UBE2E2: variants seen among roughly 807,000 people sequenced by gnomAD.
UBE2E2 encodes ubiquitin conjugating enzyme E2 E2.
Under a neutral mutation model 24.7 loss-of-function variants are expected in UBE2E2, and 6 were observed. The observed-to-expected ratio is 0.24, with a 90% CI of 0.13 to 0.48. The LOEUF (loss-of-function observed/expected upper bound fraction) is 0.48, where lower values mean the gene tolerates loss of function less well. Among genes scored for constraint, UBE2E2 ranks in the 20% least tolerant of loss-of-function variants. The pLI is 0.99. For missense variants in UBE2E2, 169 were observed against 245.0 expected (o/e 0.69, Z 2.07); for synonymous variants, 104 against 83.6 (o/e 1.24, Z -1.33).
intron 1 of UBE2E2, chr3:23,204,716 C>T: frequency 1.0e-6 from 1 of 985,400 alleles, no homozygotes; most frequent in Non-Finnish European, 1.2e-6. Context: ...AGGTGTTCCA[C>T]TGTTATTTTC....
intron 3 of UBE2E2, among the ~76,000 whole-genome samples, chr3:23,362,133 A>T (rs1696134268): frequency 6.6e-6 from 1 of 152,214 alleles, no homozygotes; most frequent in Admixed American, 6.5e-5. Flanking sequence ...AGGGCTAGTT[A>T]ACCCTGACCC....
At position 23,357,802 on chromosome 3, in the gene UBE2E2, T is replaced by A. The variant is rs1696002558; in HGVS notation, c.227+140490T>A. Reference sequence around the variant, plus strand: ...ACGGTGTCTACATTTAGGAAAAAATTCTTCTGAAATTGGTAAATCTTCGAA... The same window carrying A: ...ACGGTGTCTACATTTAGGAAAAAATACTTCTGAAATTGGTAAATCTTCGAA... On this transcript the variant is annotated intron_variant, in intron 3 of 5. Transcript: ENST00000396703. Among the ~76,000 whole-genome samples the A allele has an allele frequency of 2.0e-5, 3 of 152,196 alleles. No individual in the cohort carries two copies. In the South Asian group the frequency reaches 6.2e-4, roughly 32 times the overall value.
At chr3:23,423,265 T>C (rs1333978973) in intron 3 of UBE2E2, among the ~76,000 whole-genome samples, 2 of 152,230 alleles carry the variant, frequency 1.3e-5, no homozygotes, top group Non-Finnish European at 2.9e-5. Flanking sequence ...GTTCGAGTTC[T>C]AACTTTGCAG....
chr3:23,429,885 G>C (rs1698016136), intron 3 of UBE2E2, among the ~76,000 whole-genome samples: 1 of 152,096 alleles, frequency 6.6e-6, no homozygotes, highest in South Asian at 2.1e-4. Flanking sequence ...CAAAAAAGCA[G>C]AATTTATTTA....
rs548849126 is a variant in UBE2E2 at position 23,425,470 on chromosome 3, G to A, written c.228-74138G>A. Among the ~76,000 whole-genome samples the A allele has an allele frequency of 8.5e-5, 13 of 152,196 alleles. No individual in the cohort carries two copies. In the South Asian group the frequency reaches 1.7e-3, roughly 19 times the overall value. Reference sequence around the variant, plus strand: ...ATGTAAGGAGCTTAGAAGTCATTACGTCAAAAAATAAACAGGTTAAAAAGC... The same window carrying A: ...ATGTAAGGAGCTTAGAAGTCATTACATCAAAAAATAAACAGGTTAAAAAGC... On this transcript the variant is annotated intron_variant, in intron 3 of 5. Coordinates refer to ENST00000396703, the MANE Select transcript of UBE2E2 (RefSeq NM_152653.4).
chr3:23,396,318 T>TAC (rs61381380), intron 3 of UBE2E2, among the ~76,000 whole-genome samples: 18,125 of 131,320 alleles, frequency 0.14, 1,162 homozygotes, highest in South Asian at 0.25. Context: ...TATATATATA[T>TAC]GTATATATAT....
chr3:23,569,666 T>A (rs1696177732), intron 5 of UBE2E2, among the ~76,000 whole-genome samples: 1 of 152,162 alleles, frequency 6.6e-6, no homozygotes, highest in African/African-American at 2.4e-5. Context: ...TCATTAAAAA[T>A]TATTACTTAA....
intron 3 of UBE2E2, among the ~76,000 whole-genome samples, chr3:23,318,803 G>A (rs1694659781): frequency 6.6e-6 from 1 of 152,144 alleles, no homozygotes; most frequent in African/African-American, 2.4e-5. Context: ...GATGAAATTT[G>A]GGTGGGGACA....
intron 3 of UBE2E2, among the ~76,000 whole-genome samples, chr3:23,356,892 C>T (rs1318440938): frequency 6.6e-6 from 1 of 152,166 alleles, no homozygotes; most frequent in Admixed American, 6.5e-5. Flanking sequence ...GGTTGAGGAC[C>T]GCTGATTTAA....
chr3:23,556,297 A>T (rs1695780088), intron 5 of UBE2E2, among the ~76,000 whole-genome samples: 1 of 151,124 alleles, frequency 6.6e-6, no homozygotes, highest in African/African-American at 2.4e-5. Context: ...GGCGTGTGCC[A>T]CTGTGCCCAG....
intron 5 of UBE2E2, among the ~76,000 whole-genome samples, chr3:23,568,577 A>G (rs1175119347): frequency 7.0e-6 from 1 of 143,660 alleles, no homozygotes; most frequent in Admixed American, 7.3e-5. Flanking sequence ...TGTATATCTT[A>G]TATATAATTA....
intron 3 of UBE2E2, among the ~76,000 whole-genome samples, chr3:23,402,393 A>C (rs1279049345): frequency 6.6e-6 from 1 of 152,170 alleles, no homozygotes; most frequent in Non-Finnish European, 1.5e-5. Flanking sequence ...TTTACTAAAA[A>C]ACCATTTTGG....
At chr3:23,292,010 C>T (rs549956424) in intron 3 of UBE2E2, among the ~76,000 whole-genome samples, 2 of 152,140 alleles carry the variant, frequency 1.3e-5, no homozygotes, top group Admixed American at 1.3e-4. Context: ...AGGCGCCCGC[C>T]ACCGCACCCG....
Position 23,499,615 on chromosome 3 carries a change from C to G in UBE2E2, c.235C>G (p.Pro79Ala). 6.2e-7 allele frequency: 1 copy of G among 1,613,006 alleles called. No individual in the cohort carries two copies. Among genetic ancestry groups the G allele is most frequent in the Non-Finnish European group, 8.5e-7 (1 of 1,179,630 alleles). Residue 79 changes from proline (P) to alanine (A), a missense_variant, in exon 4 of 6, where the codon CCC (proline) becomes GCC (alanine). By Grantham distance (27) the Pro-to-Ala change is conservative. Transcript: ENST00000396703. ...LDPPPNCSAG[P>A]KGDNIYEWRS... ...TTGTATGTCTTATTTCAGTGCTGGA[C>G]CCAAAGGAGACAACATTTATGAATG...
At chr3:23,225,610 G>T (rs1696798248) in intron 3 of UBE2E2, among the ~76,000 whole-genome samples, 1 of 152,272 alleles carries the variant, frequency 6.6e-6, no homozygotes, top group East Asian at 1.9e-4. Context: ...GATCATAAAT[G>T]TGAAGATTTA....
At chr3:23,225,516 T>C (rs1032872458) in intron 3 of UBE2E2, among the ~76,000 whole-genome samples, 13 of 152,206 alleles carry the variant, frequency 8.5e-5, no homozygotes, top group Admixed American at 6.5e-4. Flanking sequence ...TTTTGGCTTG[T>C]GTAGACCCAG....
In UBE2E2 at chr3:23,222,126, T is replaced by C. The variant is rs2125325390; in HGVS notation, c.227+4814T>C. ...TTTGTCATTCTCTGCTGGGCTTATT[T>C]CACTTAACCTTGCCTGTGGTTCCAT... On this transcript the variant is annotated intron_variant, in intron 3 of 5. Coordinates refer to ENST00000396703, the MANE Select transcript of UBE2E2 (RefSeq NM_152653.4). Among the ~76,000 whole-genome samples, 4 of 152,266 alleles carry C rather than the reference T, an allele frequency of 2.6e-5. No individual in the cohort carries two copies. The Middle Eastern group carries it at 0.014, about 518-fold the overall frequency.
At chr3:23,491,482 A>G (rs1207198452) in intron 3 of UBE2E2, among the ~76,000 whole-genome samples, 1 of 152,236 alleles carries the variant, frequency 6.6e-6, no homozygotes, top group Non-Finnish European at 1.5e-5. Flanking sequence ...GGTTGCAGCC[A>G]AGTTAAGAAC....
intron 3 of UBE2E2, among the ~76,000 whole-genome samples, chr3:23,418,706 CTG>C (rs1490543466): frequency 6.6e-6 from 1 of 152,128 alleles, no homozygotes; most frequent in Non-Finnish European, 1.5e-5. Context: ...TTAAAAATCA[CTG>C]TTATGATAGA....
Sources: allele counts gnomAD v4.1 joint callset (sites outside exome capture counted in the v4.1 genomes callset), GRCh38; gene constraint gnomAD v4.1.1; transcripts MANE v1.5; gene names NCBI Gene and HGNC (gene_info 2026-07-23, HGNC 2026-07-21).